Variants in CCDC91 observed in about 807,000 individuals in gnomAD.
The protein encoded by CCDC91 is coiled-coil domain-containing protein 91.
A neutral mutation model predicts 63.2 loss-of-function variants in CCDC91; 48 were observed. The ratio of observed to expected loss-of-function variants is 0.76; its 90% CI spans 0.60 to 0.97. CCDC91 has a LOEUF of 0.97. Among genes scored for constraint, CCDC91 ranks in the 50% least tolerant of loss-of-function variants. CCDC91 has a pLI of 0.00. For missense variants in CCDC91, 500 were observed against 494.6 expected (o/e 1.01, Z -0.10); for synonymous variants, 167 against 165.8 (o/e 1.01, Z -0.06).
chr12:28,351,292 C>T (rs932447622), intron 6 of CCDC91, among the ~76,000 whole-genome samples: 1 of 152,162 alleles, frequency 6.6e-6, no homozygotes, highest in Admixed American at 6.5e-5. Context: ...GTGGTACAGG[C>T]ATCAGATTCC....
intron 6 of CCDC91, among the ~76,000 whole-genome samples, chr12:28,355,218 C>A (rs1349788762): frequency 6.6e-6 from 1 of 152,064 alleles, no homozygotes; most frequent in Non-Finnish European, 1.5e-5. Flanking sequence ...TGATCTGAAT[C>A]TGATGCTAAT....
intron 11 of CCDC91, among the ~76,000 whole-genome samples, chr12:28,465,073 A>G (rs1427249296): frequency 2.0e-5 from 3 of 152,210 alleles, no homozygotes; most frequent in Non-Finnish European, 4.4e-5. Flanking sequence ...GTAGGTCTGC[A>G]GTACTTCACA....
At chr12:28,339,106 G>T (rs1942230464) in intron 6 of CCDC91, among the ~76,000 whole-genome samples, 1 of 152,164 alleles carries the variant, frequency 6.6e-6, no homozygotes, top group Admixed American at 6.5e-5. Flanking sequence ...TTCCCAAAGT[G>T]CTGGGATTAC....
At chr12:28,362,389 A>T (rs1565858150) in intron 6 of CCDC91, 49 bp from the exon 7 acceptor site, 2 of 1,350,342 alleles carry the variant, frequency 1.5e-6, no homozygotes, top group Middle Eastern at 1.9e-4. Context: ...ATTATTTTGA[A>T]AACAAAACAG....
chr12:28,350,152 A>G (rs894394707), intron 6 of CCDC91, among the ~76,000 whole-genome samples: 1 of 152,134 alleles, frequency 6.6e-6, no homozygotes, highest in African/African-American at 2.4e-5. Flanking sequence ...TTGTACTATT[A>G]CAAGCAAAAC....
intron 6 of CCDC91, among the ~76,000 whole-genome samples, chr12:28,333,938 A>C (rs1941719671): frequency 6.6e-6 from 1 of 152,102 alleles, no homozygotes; most frequent in Admixed American, 6.6e-5. Context: ...TTACCTTTTA[A>C]AAAATATTGA....
Position 28,362,469 on chromosome 12 carries a change from G to C in CCDC91, c.608G>C (p.Arg203Thr), listed in dbSNP as rs1943964001. ...EKHKQELEDM[R>T]KAGHEALSII... ...CATAAACAAGAATTGGAAGACATGA[G>C]GAAAGCTGGTCACGAAGCCCTCAGC... The change falls in exon 7 of 13, where the codon AGG becomes ACG. Residue 203 changes from arginine to threonine, a missense_variant. Arg to Thr is a moderately conservative substitution (Grantham distance 71). Transcript: ENST00000536442. The C allele has an allele frequency of 1.3e-6, 2 of 1,598,002 alleles. No individual in the cohort carries two copies. The highest frequency in any genetic ancestry group is 2.7e-5 in the African/African-American group (2 of 74,532).
chr12:28,493,467 C>T (rs1952118343), intron 12 of CCDC91, among the ~76,000 whole-genome samples: 2 of 151,638 alleles, frequency 1.3e-5, no homozygotes, highest in South Asian at 4.1e-4. Flanking sequence ...ACTTTGGTCA[C>T]ATGTGTATAT....
At chr12:28,260,295 GTA>G (rs2136206470) in intron 3 of CCDC91, among the ~76,000 whole-genome samples, 1 of 152,076 alleles carries the variant, frequency 6.6e-6, no homozygotes, top group South Asian at 2.1e-4. Flanking sequence ...GGAAATATAT[GTA>G]TATGTTTATA....
At chr12:28,331,613 T>C (rs148032439) in intron 6 of CCDC91, among the ~76,000 whole-genome samples, 1 of 152,328 alleles carries the variant, frequency 6.6e-6, no homozygotes, top group African/African-American at 2.4e-5. Context: ...TATGGCACAG[T>C]TCTTTACCCA....
chr12:28,548,990 G>A, intron 12 of CCDC91, 73 bp from the exon 13 acceptor site: 1 of 1,015,216 alleles, frequency 9.9e-7, no homozygotes, highest in Non-Finnish European at 1.5e-6. Flanking sequence ...GGGCTTCAGA[G>A]ACATAATATT....
At chr12:28,269,004 G>T (rs996059563) in intron 3 of CCDC91, among the ~76,000 whole-genome samples, 2 of 152,116 alleles carry the variant, frequency 1.3e-5, no homozygotes, top group African/African-American at 2.4e-5. Flanking sequence ...ACAGGGTTGA[G>T]GGACCCACAG....
chr12:28,464,028 G>T (rs530217535), intron 11 of CCDC91, among the ~76,000 whole-genome samples: 5 of 152,180 alleles, frequency 3.3e-5, no homozygotes, highest in Admixed American at 1.3e-4. Context: ...GTGTCTCTCT[G>T]CCCTGGGGAG....
At chr12:28,372,304 G>C (rs899655998) in intron 7 of CCDC91, among the ~76,000 whole-genome samples, 2 of 151,848 alleles carry the variant, frequency 1.3e-5, no homozygotes, top group African/African-American at 4.8e-5. Flanking sequence ...GCTTAGGATT[G>C]CTTATTTGGG....
chr12:28,301,434 C>G lies in CCDC91; in HGVS notation c.110-4215C>G, dbSNP rs1365629706. 8.1e-4 allele frequency among the ~76,000 whole-genome samples: 123 copies of G among 151,542 alleles called. 2 individuals carry two copies. Among genetic ancestry groups the G allele is most frequent in the African/African-American group, 2.8e-3 (118 of 41,478 alleles). On this transcript the variant is annotated intron_variant, in intron 3 of 12. Transcript: ENST00000536442. ...TAAGTTCTATTGGTTCATTACATAT[C>G]ATTTTAATATGGTGCTGGATTCATT...
intron 8 of CCDC91, among the ~76,000 whole-genome samples, chr12:28,424,677 G>A (rs1290457490): frequency 6.6e-6 from 1 of 152,058 alleles, no homozygotes; most frequent in Admixed American, 6.6e-5. Flanking sequence ...ATCCTGAAAA[G>A]CTTTTGGGTA....
chr12:28,522,773 G>A (rs1555122940), intron 12 of CCDC91, among the ~76,000 whole-genome samples: 1 of 152,122 alleles, frequency 6.6e-6, no homozygotes, highest in Non-Finnish European at 1.5e-5. Context: ...GGTATGTTGT[G>A]TCTTTGTTCT....
intron 1 of CCDC91, among the ~76,000 whole-genome samples, chr12:28,239,070 A>C (rs1355436078): frequency 6.6e-6 from 1 of 151,674 alleles, no homozygotes; most frequent in Admixed American, 6.6e-5. Context: ...CAGTGAGCTG[A>C]GATCACACCA....
Position 28,483,079 on chromosome 12 carries a change from C to T in CCDC91, c.1102-973C>T, listed in dbSNP as rs373512985. 3.9e-5 allele frequency among the ~76,000 whole-genome samples: 6 copies of T among 151,968 alleles called. No homozygotes were observed. The East Asian group carries it at 5.8e-4, about 15-fold the overall frequency. ...CTTTCTTTGTGTTTGTATTTTTCCA[C>T]GTTTCCATTTTTTACAGTAAATAGA... On this transcript the variant is annotated intron_variant, in intron 11 of 12. Coordinates refer to ENST00000536442, the MANE Select transcript of CCDC91 (RefSeq NM_018318.5).
Sources: allele counts gnomAD v4.1 joint callset (sites outside exome capture counted in the v4.1 genomes callset), GRCh38; gene constraint gnomAD v4.1.1; transcripts MANE v1.5; gene names NCBI Gene and HGNC (gene_info 2026-07-23, HGNC 2026-07-21).